FANCD2: variants seen among roughly 807,000 people sequenced by gnomAD.
The protein encoded by FANCD2 is FA complementation group D2, also known as Fanconi anemia group D2 protein.
FANCD2 carries 131 observed loss-of-function variants against 192.3 expected under a neutral mutation model. The observed-to-expected ratio is 0.68, with a 90% CI of 0.59 to 0.79. The LOEUF is 0.79. Among genes scored for constraint, FANCD2 ranks in the 30% least tolerant of loss-of-function variants. The probability of loss-of-function intolerance (pLI) is 0.00; values close to 1 mark genes in which losing one functional copy is unlikely to be tolerated. For synonymous variants in FANCD2, 524 were observed against 612.5 expected (o/e 0.86, Z 2.13); for missense variants, 1,508 against 1,701.6 (o/e 0.89, Z 2.00).
chr3:10,077,926 C>A (rs532746991), intron 29 of FANCD2, among the ~76,000 whole-genome samples, 155 bp from the exon 30 acceptor site: 2 of 151,272 alleles, frequency 1.3e-5, no homozygotes, highest in African/African-American at 4.9e-5. Flanking sequence ...CCCCGCTACT[C>A]GGGAGGCTGA....
At chr3:10,026,965 T>C (rs771967363) in intron 1 of FANCD2, among the ~76,000 whole-genome samples, 1 of 143,050 alleles carries the variant, frequency 7.0e-6, no homozygotes, top group Non-Finnish European at 1.5e-5. Flanking sequence ...AGAGCGCAGG[T>C]GCTGAAGCCA....
chr3:10,068,727 A>G (rs748187375), intron 26 of FANCD2, among the ~76,000 whole-genome samples: 4 of 152,114 alleles, frequency 2.6e-5, no homozygotes, highest in African/African-American at 9.7e-5. Flanking sequence ...GAGGAATCGC[A>G]TTACCTGACT....
At chr3:10,031,909 C>T (rs1449324324) in intron 2 of FANCD2, among the ~76,000 whole-genome samples, 1 of 152,078 alleles carries the variant, frequency 6.6e-6, no homozygotes, top group Non-Finnish European at 1.5e-5. Flanking sequence ...TGAAGTGGCG[C>T]GATCTGGGCT....
At chr3:10,051,418 TGA>T (rs2125010418) in intron 17 of FANCD2, among the ~76,000 whole-genome samples, 1 of 25,782 alleles carries the variant, frequency 3.9e-5, no homozygotes, top group African/African-American at 1.7e-4. Flanking sequence ...CAAAAAGGAG[TGA>T]GGGATTTATC....
At chr3:10,045,449 T>A (rs2086978510) in intron 14 of FANCD2, 1 of 152,238 alleles carries the variant, frequency 6.6e-6, no homozygotes, top group Non-Finnish European at 1.5e-5. Flanking sequence ...ATTATAGGCG[T>A]GAGCCACCAT....
chr3:10,047,726 C>G (rs1250923142), intron 15 of FANCD2, among the ~76,000 whole-genome samples, 191 bp from the exon 16 acceptor site: 1 of 152,192 alleles, frequency 6.6e-6, no homozygotes, highest in Admixed American at 6.5e-5. Flanking sequence ...AACGTGGAAT[C>G]CCATTGATGC....
chr3:10,087,676 C>T (rs1222995964), intron 34 of FANCD2, among the ~76,000 whole-genome samples: 2 of 151,718 alleles, frequency 1.3e-5, no homozygotes, highest in Non-Finnish European at 2.9e-5. Flanking sequence ...GAGACAGAGT[C>T]TCGTTCTGTC....
chr3:10,080,901 A>G (rs149110498), intron 30 of FANCD2, among the ~76,000 whole-genome samples, 199 bp from the exon 31 acceptor site: 2 of 152,334 alleles, frequency 1.3e-5, no homozygotes, highest in South Asian at 2.1e-4. Flanking sequence ...TTCCTACTCT[A>G]CAAAAGCCAA....
At chr3:10,092,301 C>T (rs561205028) in intron 38 of FANCD2, 49 bp downstream of exon 38, 59 of 1,416,608 alleles carry the variant, frequency 4.2e-5, no homozygotes, top group Non-Finnish European at 5.8e-5. Flanking sequence ...CTGCAGAAAC[C>T]AAGTGTCCTG....
intron 10 of FANCD2, among the ~76,000 whole-genome samples, chr3:10,041,985 A>G (rs1413824761): frequency 6.6e-6 from 1 of 150,440 alleles, no homozygotes; most frequent in African/African-American, 2.5e-5. Context: ...TGCAACCTCT[A>G]CCTACCAAGT....
At chr3:10,077,561 A>C (rs1029843460) in intron 29 of FANCD2, among the ~76,000 whole-genome samples, 4 of 145,008 alleles carry the variant, frequency 2.8e-5, no homozygotes, top group Non-Finnish European at 6.0e-5. Context: ...TCTCAAAAAA[A>C]AAATTTTTTT....
rs775163107 is a variant in FANCD2, at chr3:10,041,624, G to C, written c.697G>C (p.Asp233His). The C allele has an allele frequency of 5.6e-6, 9 of 1,610,680 alleles. No individual in the cohort carries two copies. Among genetic ancestry groups the C allele is most frequent in the Non-Finnish European group, 7.6e-6 (9 of 1,177,282 alleles). ...TTTTTCTTTTTCTACCATTCACAGT[G>C]ACCTACTGATAGAGAATACTTCACT... is the stretch of plus-strand genomic sequence containing the variant. ...QHADVGKELS[D>H]LLIENTSLTV... is the part of the protein sequence containing the mutation. The change falls in exon 10 of 44, where the codon GAC (aspartate) becomes CAC (histidine). Residue 233 changes from aspartate (D) to histidine (H), a missense_variant and splice_region_variant. This residue lies in a region of FANCD2 where 435 missense variants were observed against 421.9 expected (regional missense o/e 1.03). Coordinates refer to ENST00000675286, the MANE Select transcript of FANCD2 (RefSeq NM_001018115.3).
At chr3:10,054,781 C>T (rs1004087951) in intron 18 of FANCD2, among the ~76,000 whole-genome samples, 3 of 151,566 alleles carry the variant, frequency 2.0e-5, no homozygotes, top group Non-Finnish European at 4.4e-5. Context: ...CCGCACCCGG[C>T]CACAACCATC....
At chr3:10,054,353 G>GTATATATATATATACGTGTATATACATA (rs1559382946) in intron 18 of FANCD2, among the ~76,000 whole-genome samples, 10 of 103,216 alleles carry the variant, frequency 9.7e-5, no homozygotes, top group Admixed American at 4.1e-4. Flanking sequence ...ATATATATAC[G>GTATATATATATATACGTGTATATACATA]TATATATATA....
At chr3:10,053,556 A>C (rs898438013) in intron 18 of FANCD2, among the ~76,000 whole-genome samples, 12 of 151,854 alleles carry the variant, frequency 7.9e-5, no homozygotes, top group African/African-American at 2.7e-4. Context: ...AAATAGAATA[A>C]AATTAAAAAA....
At chr3:10,061,919 A>C (rs111738952) in intron 19 of FANCD2, among the ~76,000 whole-genome samples, 1 of 143,664 alleles carries the variant, frequency 7.0e-6, no homozygotes, top group South Asian at 2.4e-4. Flanking sequence ...TAATTGAACA[A>C]TGAGAACACA....
rs751126921 is a variant in FANCD2 at position 10,039,755 on chromosome 3, T to C, written c.605T>C (p.Ile202Thr). The C allele has an allele frequency of 6.3e-5, 102 of 1,613,890 alleles. No individual in the cohort carries two copies. Among genetic ancestry groups the C allele is most frequent in the Non-Finnish European group, 8.6e-5 (102 of 1,179,996 alleles). ...LTTKIMQLISIAPENLQHDII... is the reference protein window; with the variant it reads ...LTTKIMQLISTAPENLQHDII... ...ACCAAGATCATGCAGCTGATCAGTA[T>C]TGCTCCAGAGAACCTGCAGCATGAC... The change falls in exon 9 of 44, where the codon ATT (isoleucine) becomes ACT (threonine). Residue 202 changes from isoleucine (I) to threonine (T), a missense_variant. Around this residue, in one of 5 missense-constraint regions of FANCD2, gnomAD observed 435 missense variants for 421.9 expected, o/e 1.03. Coordinates refer to ENST00000675286, the MANE Select transcript of FANCD2 (RefSeq NM_001018115.3).
At chr3:10,094,423 C>T in intron 40 of FANCD2, 60 bp downstream of exon 40, 1 of 1,398,808 alleles carries the variant, frequency 7.1e-7, no homozygotes, top group Non-Finnish European at 1.0e-6. Context: ...AAGATATGTC[C>T]TTGGTGACTC....
chr3:10,100,413 G>A (rs950446846), intron 43 of FANCD2, among the ~76,000 whole-genome samples: 13 of 152,186 alleles, frequency 8.5e-5, no homozygotes, highest in Admixed American at 3.3e-4. Flanking sequence ...TCCCTCTGTC[G>A]CCCAGGCTAG....
Sources: allele counts gnomAD v4.1 joint callset (sites outside exome capture counted in the v4.1 genomes callset), GRCh38; gene constraint gnomAD v4.1.1; regional missense constraint gnomAD v4.1.1; transcripts MANE v1.5; gene names NCBI Gene and HGNC (gene_info 2026-07-23, HGNC 2026-07-21).